The following PTPN7 variants were observed in gnomAD, a reference collection of about 807,000 sequenced individuals.
PTPN7 encodes the protein tyrosine-protein phosphatase non-receptor type 7.
PTPN7 carries 33 observed loss-of-function variants against 50.3 expected under a neutral mutation model. That is an observed-to-expected ratio of 0.66 (90% CI 0.50 to 0.88). The LOEUF (loss-of-function observed/expected upper bound fraction) is 0.88, where lower values mean the gene tolerates loss of function less well. Ranked by LOEUF, PTPN7 falls within the 40% of genes least tolerant of loss-of-function variation. PTPN7 has a pLI of 0.00. For missense variants in PTPN7, 412 were observed against 475.4 expected (o/e 0.87, Z 1.24); for synonymous variants, 185 against 186.6 (o/e 0.99, Z 0.07).
chr1:202,156,674 C>T (rs151331457), intron 4 of PTPN7, among the ~76,000 whole-genome samples: 45 of 152,336 alleles, frequency 3.0e-4, no homozygotes, highest in Middle Eastern at 3.4e-3. Context: ...AGAACAAGGG[C>T]TACTCCTCCC....
rs1214233119 is a variant in PTPN7, at chr1:202,155,565, C to T, written c.436G>A (p.Asp146Asn). Residue 146 changes from aspartate (D) to asparagine (N), a missense_variant, in exon 5 of 10, where the codon GAC becomes AAC. Physicochemically the swap from Asp to Asn is conservative, Grantham distance 23. Coordinates refer to ENST00000691036, the MANE Select transcript of PTPN7 (RefSeq NM_002832.4). Reference protein sequence around the residue: ...VCLGRAQSQEDGDYINANYIR... With the variant: ...VCLGRAQSQENGDYINANYIR... Reference sequence around the variant, plus strand: ...TAGTTGGCATTGATGTAATCTCCGTCCTCCTGGCTCTGTGCCCGGCCTAGA... The same window carrying T: ...TAGTTGGCATTGATGTAATCTCCGTTCTCCTGGCTCTGTGCCCGGCCTAGA... 8.3e-6 allele frequency: 13 copies of T among 1,573,746 alleles called. No individual in the cohort carries two copies. The highest frequency in any genetic ancestry group is 1.1e-5 in the Non-Finnish European group (13 of 1,143,596).
In PTPN7 at chr1:202,158,271, G is replaced by T. The variant is rs377638610; in HGVS notation, c.153C>A (p.Asp51Glu). 4 of 1,614,166 alleles carry T rather than the reference G, an allele frequency of 2.5e-6. No homozygotes were observed. Among genetic ancestry groups the T allele is most frequent in the East Asian group, 2.2e-5 (1 of 44,884 alleles). ...RRGSNVALML[D>E]VRSLGAVEPI... ...GTTCTACGGCCCCCAGGGACCGAAC[G>T]TCCAGCATCAGAGCCACATTGGAGC... Residue 51 changes from aspartate to glutamate, a missense_variant, in exon 3 of 10, where the codon GAC becomes GAA. Coordinates refer to ENST00000691036, the MANE Select transcript of PTPN7 (RefSeq NM_002832.4).
chr1:202,161,313 G>A (rs1011428421), upstream of PTPN7: 27 of 1,169,474 alleles, frequency 2.3e-5, no homozygotes, highest in South Asian at 4.9e-5. Flanking sequence ...GAGGGAGTCC[G>A]AGGGGCTTCC....
chr1:202,158,809 AGAG>A (rs1203085848), intron 2 of PTPN7: 1 of 141,268 alleles, frequency 7.1e-6, no homozygotes, highest in Non-Finnish European at 1.5e-5. Context: ...TTTTTGAGAG[AGAG>A]GAGGTCTCAC....
intron 4 of PTPN7, among the ~76,000 whole-genome samples, chr1:202,156,150 A>G (rs1656633107): frequency 1.3e-5 from 2 of 152,222 alleles, no homozygotes; most frequent in Admixed American, 6.5e-5. Flanking sequence ...TGATCAAAAC[A>G]ATAGTTTGGG....
chr1:202,155,948 G>A (rs1008933422), intron 4 of PTPN7, among the ~76,000 whole-genome samples: 3 of 151,982 alleles, frequency 2.0e-5, no homozygotes, highest in East Asian at 1.9e-4. Context: ...ATTTATTTAC[G>A]TTTTTTGTAG....
At chr1:202,160,690 T>C, upstream of PTPN7, 1 of 1,550,540 alleles carries the variant, frequency 6.4e-7, no homozygotes, top group Non-Finnish European at 8.7e-7. This position sits in a 1 kb window ranked among gnomAD's most constrained non-coding sequence, Gnocchi z 4.8. Flanking sequence ...AGCTGCATTC[T>C]GCCCTCCTGT....
intron 2 of PTPN7, chr1:202,158,536 T>TG: frequency 2.3e-6 from 1 of 444,230 alleles, no homozygotes; most frequent in Non-Finnish European, 4.0e-6. Context: ...AATTTAAGTT[T>TG]TTTTTTTTTT....
At chr1:202,161,191 G>A (rs1657340458), upstream of PTPN7, 1 of 1,124,652 alleles carries the variant, frequency 8.9e-7, no homozygotes, top group African/African-American at 1.6e-5. Flanking sequence ...AAAGGGCCGG[G>A]GCCAGGCCAA....
chr1:202,154,660 G>A (rs1571750382), intron 5 of PTPN7, among the ~76,000 whole-genome samples: 1 of 152,192 alleles, frequency 6.6e-6, no homozygotes, highest in Non-Finnish European at 1.5e-5. Context: ...TATATTGAGA[G>A]TCTAGCCGAT....
chr1:202,152,198 A>G (rs1656082657), intron 8 of PTPN7, among the ~76,000 whole-genome samples: 2 of 152,244 alleles, frequency 1.3e-5, no homozygotes, highest in Non-Finnish European at 2.9e-5. Context: ...GGTGTGAACC[A>G]CCGTGCCCGG....
chr1:202,161,174 G>A, upstream of PTPN7: 1 of 1,137,418 alleles, frequency 8.8e-7, no homozygotes, highest in South Asian at 2.4e-5. Context: ...GCCTCACAAT[G>A]TGAAGGAAAG....
chr1:202,159,808 C>G lies in PTPN7; in HGVS notation c.-52-354G>C, dbSNP rs1030249358. On this transcript the variant is annotated intron_variant, in intron 1 of 9. Coordinates refer to ENST00000691036, the MANE Select transcript of PTPN7 (RefSeq NM_002832.4). The surrounding 1 kb of genome is among the most constrained non-coding windows in gnomAD (Gnocchi z 4.6). The stretch of plus-strand genomic sequence containing the variant: ...GGAGGAAACAGAAAATATGTGTTCT[C>G]TAGGACGGAAGGGAGAAAGCACGCA... The G allele has an allele frequency of 7.7e-6, 9 of 1,167,404 alleles. No homozygotes were observed. Among genetic ancestry groups the G allele is most frequent in the Non-Finnish European group, 9.5e-6 (9 of 944,940 alleles). 72.3% of individuals were successfully genotyped at this position (1,167,404 alleles called of 1,614,324 possible).
chr1:202,160,776 G>T, upstream of PTPN7: 1 of 1,550,772 alleles, frequency 6.4e-7, no homozygotes, highest in Non-Finnish European at 8.7e-7. The surrounding 1 kb of genome is among the most constrained non-coding windows in gnomAD (Gnocchi z 4.8). Context: ...CGTTCCCTGG[G>T]AATGGGTGAG....
chr1:202,153,609 G>T, intron 7 of PTPN7, 116 bp downstream of exon 7: 1 of 800,082 alleles, frequency 1.2e-6, no homozygotes. Context: ...ATAGATGTGG[G>T]TTTAAGATGG....
At chr1:202,161,544 C>T (rs1353418857), upstream of PTPN7, 6 of 1,287,988 alleles carry the variant, frequency 4.7e-6, no homozygotes, top group South Asian at 1.2e-5. Context: ...TGCGGGCCAG[C>T]AGCCCAGCCG....
rs1657059595 is a variant in PTPN7 at position 202,159,274 on chromosome 1, ATC to A, written c.122+5_122+6del. 2.5e-6 allele frequency: 4 copies of A among 1,613,368 alleles called. 1 individual carries two copies. In the Admixed American group the frequency reaches 6.7e-5, roughly 27 times the overall value. ...TCGGAAGACCCCTCCCCCAGGGAAGATCTCACCTCTCCTGCAGTCGCACATGC... is the reference window on the plus strand; with the variant it reads ...TCGGAAGACCCCTCCCCCAGGGAAGATCACCTCTCCTGCAGTCGCACATGC... On this transcript the variant is annotated splice_donor_5th_base_variant and intron_variant, in intron 2 of 9. Transcript: ENST00000691036. The surrounding 1 kb of genome is among the most constrained non-coding windows in gnomAD (Gnocchi z 4.6).
At position 202,159,351 on chromosome 1, in the gene PTPN7, A is replaced by G. The variant is rs896221607; in HGVS notation, c.52T>C (p.Leu18=). 1 of 1,614,060 alleles carries G rather than the reference A, an allele frequency of 6.2e-7. No individual in the cohort carries two copies. The highest frequency in any genetic ancestry group is 8.5e-7 in the Non-Finnish European group (1 of 1,180,032). The change falls in exon 2 of 10, where the codon TTG becomes CTG. Residue 18 remains leucine (L), a synonymous_variant. Transcript: ENST00000691036. The surrounding 1 kb of genome is among the most constrained non-coding windows in gnomAD (Gnocchi z 4.6). ...GGAGGCTGGGTCATGGCTGCCCCCA[A>G]AGACAAGGTCAACGGCTGTGCTCTG... ...RSRAQPLTLS[L]GAAMTQPPPE...
In PTPN7 at chr1:202,155,526, C is replaced by T; in HGVS notation, c.468+7G>A. The T allele has an allele frequency of 6.5e-7, 1 of 1,539,938 alleles. No homozygotes were observed. The highest frequency in any genetic ancestry group is 9.0e-7 in the Non-Finnish European group (1 of 1,112,764). ...TCCCCGCCCACCACTGCAGCCAGGC[C>T]ACTCACTCGGATGTAGTTGGCATTG... On this transcript the variant is annotated splice_region_variant and intron_variant, in intron 5 of 9. Transcript: ENST00000691036.
Sources: allele counts gnomAD v4.1 joint callset (sites outside exome capture counted in the v4.1 genomes callset), GRCh38; gene constraint gnomAD v4.1.1; non-coding constraint Gnocchi (gnomAD v3.1); transcripts MANE v1.5; gene names NCBI Gene and HGNC (gene_info 2026-07-23, HGNC 2026-07-21).